The following ASB5 variants were observed in gnomAD, a reference collection of about 807,000 sequenced individuals.
ASB5 encodes ankyrin repeat and SOCS box protein 5.
A neutral mutation model predicts 42.1 loss-of-function variants in ASB5; 45 were observed. The observed-to-expected ratio is 1.07, with a 90% CI of 0.84 to 1.37. The LOEUF is 1.37. Ranked by LOEUF, ASB5 falls within the 40% of genes most tolerant of loss-of-function variation. The pLI is 0.00. For missense variants in ASB5, 402 were observed against 399.8 expected (o/e 1.01, Z -0.05); for synonymous variants, 147 against 150.6 (o/e 0.98, Z 0.18).
chr4:176,250,603 G>A (rs1024456669), intron 1 of ASB5, among the ~76,000 whole-genome samples: 1 of 152,294 alleles, frequency 6.6e-6, no homozygotes, highest in South Asian at 2.1e-4. Flanking sequence ...AAAGAAACAG[G>A]TCGAGAGAGG....
chr4:176,221,595 A>G lies in ASB5; in HGVS notation c.390T>C (p.Asn130=), dbSNP rs1416578889. The G allele has an allele frequency of 4.3e-6, 7 of 1,610,718 alleles. No individual in the cohort carries two copies. Among genetic ancestry groups the G allele is most frequent in the South Asian group, 1.1e-5 (1 of 90,742 alleles). The part of the protein sequence containing the change: ...RTLLEAGANV[N]AITIDGVTPL... ...GAGTCACGCCATCTATCGTGATTGC[A>G]TTTACCTAAACCAAACCAAAATATC... Residue 130 remains asparagine (N), a synonymous_variant, in exon 4 of 7, where the codon AAT becomes AAC. Transcript: ENST00000296525.
intron 1 of ASB5, among the ~76,000 whole-genome samples, chr4:176,258,707 C>G (rs1306554178): frequency 6.6e-6 from 1 of 151,942 alleles, no homozygotes; most frequent in Non-Finnish European, 1.5e-5. Context: ...ATGGAATATT[C>G]CTTATAATGC....
intron 5 of ASB5, 35 bp downstream of exon 5, chr4:176,221,120 A>G: frequency 6.3e-7 from 1 of 1,581,362 alleles, no homozygotes; most frequent in Non-Finnish European, 8.6e-7. Flanking sequence ...GCTTGTGTGT[A>G]TGGACAGAAT....
intron 3 of ASB5, among the ~76,000 whole-genome samples, 173 bp from the exon 4 acceptor site, chr4:176,221,773 C>T (rs1175673318): frequency 6.6e-6 from 1 of 151,968 alleles, no homozygotes; most frequent in Non-Finnish European, 1.5e-5. Context: ...AGCTGTAAAA[C>T]AGACAGAAAT....
rs1752918786 is a variant in ASB5 at position 176,214,684 on chromosome 4, C to T, written c.*916G>A. Reference sequence around the variant, plus strand: ...AAACTCCACAATTTGAGTTTTTAATCTTCCATTTTTTTATATCCTTGGACT... The same window carrying T: ...AAACTCCACAATTTGAGTTTTTAATTTTCCATTTTTTTATATCCTTGGACT... On this transcript the variant is annotated 3_prime_UTR_variant, in exon 7 of 7. Coordinates refer to ENST00000296525, the MANE Select transcript of ASB5 (RefSeq NM_080874.4). The T allele has an allele frequency of 6.6e-6, 1 of 152,110 alleles. No homozygotes were observed. Among genetic ancestry groups the T allele is most frequent in the South Asian group, 2.1e-4 (1 of 4,830 alleles). 9.4% of individuals were successfully genotyped at this position (152,110 alleles called of 1,614,324 possible).
At chr4:176,261,619 T>A (rs1161776344) in intron 1 of ASB5, among the ~76,000 whole-genome samples, 1 of 152,200 alleles carries the variant, frequency 6.6e-6, no homozygotes, top group Non-Finnish European at 1.5e-5. Flanking sequence ...CATAACCAAA[T>A]ATGTTCTGCC....
intron 1 of ASB5, among the ~76,000 whole-genome samples, chr4:176,232,057 A>G (rs1753559981): frequency 6.6e-6 from 1 of 151,742 alleles, no homozygotes; most frequent in Non-Finnish European, 1.5e-5. Flanking sequence ...TTCATATAAC[A>G]TGTTCATTTC....
chr4:176,264,822 T>C (rs985458689), intron 1 of ASB5, among the ~76,000 whole-genome samples: 2 of 152,018 alleles, frequency 1.3e-5, no homozygotes, highest in African/African-American at 4.8e-5. Flanking sequence ...ACATTTTCTC[T>C]TTCTGCCAAT....
chr4:176,262,567 G>C (rs185385166), intron 1 of ASB5, among the ~76,000 whole-genome samples: 1 of 152,302 alleles, frequency 6.6e-6, no homozygotes, highest in East Asian at 1.9e-4. Context: ...ACATTTCTCT[G>C]TATAGCACCT....
chr4:176,252,849 G>A (rs1448712424), intron 1 of ASB5, among the ~76,000 whole-genome samples: 1 of 152,216 alleles, frequency 6.6e-6, no homozygotes, highest in Non-Finnish European at 1.5e-5. Flanking sequence ...ATAACCTTGA[G>A]CAAATGCCTC....
chr4:176,248,690 T>C (rs1753958297), intron 1 of ASB5, among the ~76,000 whole-genome samples: 1 of 152,202 alleles, frequency 6.6e-6, no homozygotes, highest in Admixed American at 6.5e-5. Context: ...TGTAGGCAAT[T>C]ATATCATACT....
rs1275928795 is a variant in ASB5, at chr4:176,214,604, T to G, written c.*996A>C. 2.6e-5 allele frequency: 4 copies of G among 152,202 alleles called. No homozygotes were observed. The East Asian group carries it at 7.7e-4, about 29-fold the overall frequency. The allele number at this position is 152,202 out of a possible 1,614,324, so 9.4% of individuals were successfully genotyped here. A position where few individuals can be genotyped will look rare whatever the true frequency, so the allele number is the denominator to read the frequency against. ...AGAATTAGAAACAGTGCGATTAAGT[T>G]CTCTATATACATTTTTTAAGGTCTC... On this transcript the variant is annotated 3_prime_UTR_variant, in exon 7 of 7. Coordinates refer to ENST00000296525, the MANE Select transcript of ASB5 (RefSeq NM_080874.4).
chr4:176,249,095 T>C (rs1753968159), intron 1 of ASB5, among the ~76,000 whole-genome samples: 1 of 152,152 alleles, frequency 6.6e-6, no homozygotes. Flanking sequence ...GCCTACCGAG[T>C]AGCTGGGATG....
At chr4:176,259,006 G>T (rs1036854707) in intron 1 of ASB5, among the ~76,000 whole-genome samples, 3 of 151,880 alleles carry the variant, frequency 2.0e-5, no homozygotes, top group Admixed American at 2.0e-4. Context: ...TGTTTTGTTG[G>T]TTTATTTGAG....
chr4:176,225,228 G>A, intron 2 of ASB5, 34 bp downstream of exon 2: 1 of 1,526,646 alleles, frequency 6.6e-7, no homozygotes. Flanking sequence ...CACATGGAAA[G>A]GGGGTATATT....
intron 1 of ASB5, among the ~76,000 whole-genome samples, chr4:176,246,196 GT>G (rs1753909236): frequency 6.6e-6 from 1 of 152,050 alleles, no homozygotes; most frequent in Non-Finnish European, 1.5e-5. Context: ...ATGTTTTACT[GT>G]ATTTAATTTT....
chr4:176,216,949 G>T lies in ASB5; in HGVS notation c.731C>A (p.Ser244Tyr). 1.2e-6 allele frequency: 2 copies of T among 1,613,884 alleles called. No individual in the cohort carries two copies. The highest frequency in any genetic ancestry group is 2.7e-5 in the African/African-American group (2 of 75,022). The change falls in exon 6 of 7, where the codon TCC becomes TAC. Residue 244 changes from serine (S) to tyrosine (Y), a missense_variant. Ser to Tyr is a moderately radical substitution (Grantham distance 144). Transcript: ENST00000296525. ...DTPLHAAAQQ[S>Y]STEIVNLLLE... ...CAGTAAGTTTACAATTTCTGTGCTGGATTGTTGAGCAGCAGCATGTAATGG... is the reference window on the plus strand; with the variant it reads ...CAGTAAGTTTACAATTTCTGTGCTGTATTGTTGAGCAGCAGCATGTAATGG...
At chr4:176,261,858 G>A (rs1355671462) in intron 1 of ASB5, among the ~76,000 whole-genome samples, 1 of 151,458 alleles carries the variant, frequency 6.6e-6, no homozygotes, top group Non-Finnish European at 1.5e-5. Context: ...ATCACACATG[G>A]CAAACATATA....
At chr4:176,219,099 A>T (rs374641678) in intron 5 of ASB5, among the ~76,000 whole-genome samples, 5 of 17,026 alleles carry the variant, frequency 2.9e-4, no homozygotes, top group African/African-American at 6.6e-4. Context: ...ATGATATATA[A>T]ATATATATAT....
Sources: gnomAD v4.1 joint callset for allele counts (sites outside exome capture counted in the v4.1 genomes callset) on GRCh38, gnomAD v4.1.1 for gene constraint, MANE v1.5 for transcripts, NCBI Gene and HGNC (gene_info 2026-07-23, HGNC 2026-07-21) for gene names.